CCDC149: variants seen among roughly 807,000 people sequenced by gnomAD.
The protein encoded by CCDC149 is coiled-coil domain containing 149.
In CCDC149, 45 loss-of-function variants were observed where a neutral mutation model predicts 59.9. That is an observed-to-expected ratio of 0.75 (90% CI 0.59 to 0.96). The LOEUF is 0.96. CCDC149 is among the 40% of genes least tolerant of loss of function. The probability of loss-of-function intolerance (pLI) is 0.00; values close to 1 mark genes in which losing one functional copy is unlikely to be tolerated. For missense variants in CCDC149, 584 were observed against 664.7 expected, an observed-to-expected ratio of 0.88 and a Z score of 1.33; for synonymous variants, 245 against 260.6, an observed-to-expected ratio of 0.94 and a Z score of 0.58.
At chr4:24,917,521 G>A (rs4697078), upstream of CCDC149, among the ~76,000 whole-genome samples, 1,162 of 152,302 alleles carry the variant, frequency 7.6e-3, 59 homozygotes, top group Admixed American at 0.06. Flanking sequence ...GGGGTTCCCA[G>A]AAGGGGGACT....
chr4:24,920,301 C>T (rs890004143), intron 1 of CCDC149, among the ~76,000 whole-genome samples: 2 of 152,218 alleles, frequency 1.3e-5, no homozygotes, highest in African/African-American at 4.8e-5. Context: ...TCCAAGACAG[C>T]CCACTCACAT....
chr4:24,960,600 A>G (rs1012683944), intron 1 of CCDC149, among the ~76,000 whole-genome samples: 10 of 152,360 alleles, frequency 6.6e-5, no homozygotes, highest in Middle Eastern at 3.4e-3. Flanking sequence ...TTAAAGGTGG[A>G]GTGACTATAC....
chr4:24,901,112 C>CTACT (rs1261246022), intron 1 of CCDC149, among the ~76,000 whole-genome samples: 1 of 152,166 alleles, frequency 6.6e-6, no homozygotes, highest in Non-Finnish European at 1.5e-5. Flanking sequence ...ATACCCTGAA[C>CTACT]AGTATTAGGA....
At chr4:24,884,094 C>T (rs1720013910) in intron 1 of CCDC149, among the ~76,000 whole-genome samples, 1 of 152,184 alleles carries the variant, frequency 6.6e-6, no homozygotes. Flanking sequence ...AGACAGGCAG[C>T]TCTCCTGGGG....
At chr4:24,891,840 T>G (rs1177325372) in intron 1 of CCDC149, among the ~76,000 whole-genome samples, 1 of 151,872 alleles carries the variant, frequency 6.6e-6, no homozygotes, top group Non-Finnish European at 1.5e-5. Context: ...CTCTACAATT[T>G]TTTTTTAAAT....
chr4:24,923,980 G>T (rs989051598), intron 1 of CCDC149, among the ~76,000 whole-genome samples: 1 of 152,300 alleles, frequency 6.6e-6, no homozygotes, highest in Admixed American at 6.5e-5. Context: ...TTGAAGCTGG[G>T]TTGCAGCTCA....
intron 12 of CCDC149, among the ~76,000 whole-genome samples, chr4:24,815,392 T>G (rs1207503463): frequency 6.6e-6 from 1 of 152,184 alleles, no homozygotes; most frequent in Non-Finnish European, 1.5e-5. Flanking sequence ...ACAGGGGACA[T>G]GAGAAACAGC....
At chr4:24,824,640 C>T (rs1380748254) in intron 9 of CCDC149, among the ~76,000 whole-genome samples, 2 of 152,112 alleles carry the variant, frequency 1.3e-5, no homozygotes, top group African/African-American at 4.8e-5. Context: ...CTTTCCCCAG[C>T]CCCCAGCAAT....
At chr4:24,882,722 T>C (rs1719920677) in intron 1 of CCDC149, among the ~76,000 whole-genome samples, 1 of 152,158 alleles carries the variant, frequency 6.6e-6, no homozygotes, top group African/African-American at 2.4e-5. Flanking sequence ...GGATGACATA[T>C]AATATACAGT....
chr4:24,951,110 C>T (rs1723275112), intron 1 of CCDC149, among the ~76,000 whole-genome samples: 1 of 152,238 alleles, frequency 6.6e-6, no homozygotes, highest in Admixed American at 6.5e-5. Flanking sequence ...TGGGTGATCA[C>T]CACATGTGTG....
intron 1 of CCDC149, among the ~76,000 whole-genome samples, chr4:24,888,320 A>T (rs1720320479): frequency 6.6e-6 from 1 of 152,174 alleles, no homozygotes; most frequent in Non-Finnish European, 1.5e-5. Context: ...GATAGCCATC[A>T]ATTTATTATT....
upstream of CCDC149, among the ~76,000 whole-genome samples, chr4:24,915,620 G>T (rs550378839): frequency 6.6e-6 from 1 of 152,130 alleles, no homozygotes; most frequent in African/African-American, 2.4e-5. Flanking sequence ...AATAAAGCTG[G>T]GGAGCAAAAT....
At position 24,941,326 on chromosome 4, in the gene CCDC149, T is replaced by A. The variant is rs536132769; in HGVS notation, c.-65+38743A>T. On this transcript the variant is annotated intron_variant, in intron 1 of 12. Transcript: ENST00000389609. ...GTACATAACGAAATGAAGGCAGAAA[T>A]AAAGATGTTCTTTGAAACCGACGAG... Among the ~76,000 whole-genome samples the A allele has an allele frequency of 2.8e-4, 42 of 152,180 alleles. No individual in the cohort carries two copies. The East Asian group carries it at 8.1e-3, about 29-fold the overall frequency.
intron 4 of CCDC149, among the ~76,000 whole-genome samples, chr4:24,845,542 C>T (rs1317800131): frequency 6.6e-6 from 1 of 152,234 alleles, no homozygotes; most frequent in Non-Finnish European, 1.5e-5. Context: ...CTACACAATA[C>T]CGACTGTACC....
At chr4:24,895,081 G>T in intron 1 of CCDC149, 1 of 1,388,826 alleles carries the variant, frequency 7.2e-7, no homozygotes, top group Non-Finnish European at 9.9e-7. Context: ...AGTTAATGAC[G>T]TGGCAACTAT....
At chr4:24,949,250 C>T (rs1303689212) in intron 1 of CCDC149, among the ~76,000 whole-genome samples, 1 of 152,172 alleles carries the variant, frequency 6.6e-6, no homozygotes, top group Non-Finnish European at 1.5e-5. Context: ...CCTGCTGGGA[C>T]AGATGCACTC....
At chr4:24,915,209 C>G (rs1231719927), upstream of CCDC149, among the ~76,000 whole-genome samples, 7 of 152,254 alleles carry the variant, frequency 4.6e-5, no homozygotes, top group Non-Finnish European at 1.0e-4. Flanking sequence ...CCTGACGTCT[C>G]ATGCCTAAAA....
chr4:24,960,289 T>C (rs950559293), intron 1 of CCDC149, among the ~76,000 whole-genome samples: 1 of 152,194 alleles, frequency 6.6e-6, no homozygotes, highest in African/African-American at 2.4e-5. Context: ...CTAACAATTG[T>C]TAATTGTTAG....
At chr4:24,827,177 C>T (rs800456) in intron 9 of CCDC149, 132,890 of 152,186 alleles carry the variant, frequency 0.87, 58,221 homozygotes, top group African/African-American at 0.93. Context: ...ACTGCACTAC[C>T]GTGCTCGCTC....
Sources: gnomAD v4.1 joint callset for allele counts (sites outside exome capture counted in the v4.1 genomes callset) on GRCh38, gnomAD v4.1.1 for gene constraint, MANE v1.5 for transcripts, NCBI Gene and HGNC (gene_info 2026-07-23, HGNC 2026-07-21) for gene names.